CNTNAP5: variants seen among roughly 807,000 people sequenced by gnomAD.
CNTNAP5 encodes contactin-associated protein-like 5.
CNTNAP5 carries 72 observed loss-of-function variants against 150.2 expected under a neutral mutation model. The observed-to-expected ratio is 0.48, with a 90% CI of 0.40 to 0.58. The LOEUF (loss-of-function observed/expected upper bound fraction) is 0.58. Among genes scored for constraint, CNTNAP5 ranks in the 20% least tolerant of loss-of-function variants. CNTNAP5 has a pLI of 0.00. For missense variants in CNTNAP5, 1,636 were observed against 1,626.2 expected (o/e 1.01, Z -0.10); for synonymous variants, 672 against 619.8 (o/e 1.08, Z -1.25).
chr2:124,526,605 C>CACT, intron 9 of CNTNAP5, among the ~76,000 whole-genome samples: 1 of 152,282 alleles, frequency 6.6e-6, no homozygotes, highest in Middle Eastern at 3.4e-3. Context: ...TTGCAAGCTA[C>CACT]ACTAAATCAG....
At chr2:124,580,713 C>T (rs75678236) in intron 11 of CNTNAP5, among the ~76,000 whole-genome samples, 288 of 152,292 alleles carry the variant, frequency 1.9e-3, no homozygotes, top group African/African-American at 6.5e-3. Flanking sequence ...CTGTCCATCC[C>T]CATCTCTCAA....
chr2:124,654,744 T>C (rs1054123061), intron 13 of CNTNAP5, among the ~76,000 whole-genome samples: 1 of 152,096 alleles, frequency 6.6e-6, no homozygotes, highest in Admixed American at 6.6e-5. Flanking sequence ...TTCATCTTTT[T>C]CTTTGTCCTT....
At chr2:124,525,907 T>A (rs1694954366) in intron 9 of CNTNAP5, among the ~76,000 whole-genome samples, 1 of 152,176 alleles carries the variant, frequency 6.6e-6, no homozygotes, top group Non-Finnish European at 1.5e-5. Context: ...CAGATCTGTG[T>A]TCCCACAGCC....
chr2:124,245,229 A>T (rs921255779), intron 3 of CNTNAP5, among the ~76,000 whole-genome samples: 2 of 151,974 alleles, frequency 1.3e-5, no homozygotes, highest in African/African-American at 4.8e-5. Context: ...ACTCTCTAAA[A>T]CCCTCTAGGC....
intron 19 of CNTNAP5, among the ~76,000 whole-genome samples, chr2:124,842,420 C>T (rs1030729428): frequency 1.3e-5 from 2 of 152,086 alleles, no homozygotes; most frequent in South Asian, 4.1e-4. Context: ...ATTAAAGAAA[C>T]TCCTGATTTC....
chr2:124,816,202 G>A (rs1219711184), intron 19 of CNTNAP5, among the ~76,000 whole-genome samples: 1 of 152,186 alleles, frequency 6.6e-6, no homozygotes, highest in Non-Finnish European at 1.5e-5. Flanking sequence ...TTATCTCACA[G>A]TTCCCTTGGG....
intron 1 of CNTNAP5, among the ~76,000 whole-genome samples, chr2:124,061,136 C>T (rs537225871): frequency 2.0e-5 from 3 of 152,244 alleles, no homozygotes; most frequent in Non-Finnish European, 1.5e-5. Context: ...CCATGTCAGC[C>T]ATAACACATC....
intron 1 of CNTNAP5, among the ~76,000 whole-genome samples, chr2:124,110,565 TTATTGAC>T (rs1683271691): frequency 6.6e-6 from 1 of 152,168 alleles, no homozygotes; most frequent in Non-Finnish European, 1.5e-5. Context: ...ATAAGACTGT[TTATTGAC>T]TATTTACCAT....
At chr2:124,796,182 A>G (rs1681842357) in intron 18 of CNTNAP5, among the ~76,000 whole-genome samples, 1 of 152,168 alleles carries the variant, frequency 6.6e-6, no homozygotes. Flanking sequence ...GACAACAGAA[A>G]TTTGGTTTGA....
At chr2:124,882,592 G>C (rs1265387296) in intron 21 of CNTNAP5, among the ~76,000 whole-genome samples, 1 of 152,098 alleles carries the variant, frequency 6.6e-6, no homozygotes, top group Non-Finnish European at 1.5e-5. Flanking sequence ...ACTCTGTCTA[G>C]CGTATGCAGA....
intron 22 of CNTNAP5, among the ~76,000 whole-genome samples, chr2:124,906,965 C>T (rs1475059793): frequency 1.3e-5 from 2 of 152,032 alleles, no homozygotes; most frequent in Non-Finnish European, 2.9e-5. Context: ...CATTTAAAGT[C>T]CCTAATTTTA....
At chr2:124,557,558 G>A (rs376155875) in intron 10 of CNTNAP5, among the ~76,000 whole-genome samples, 4 of 152,064 alleles carry the variant, frequency 2.6e-5, no homozygotes, top group African/African-American at 7.2e-5. Context: ...CTTTGGGTAC[G>A]TCAGTGGACC....
intron 1 of CNTNAP5, among the ~76,000 whole-genome samples, chr2:124,069,595 T>C (rs1005538840): frequency 6.6e-6 from 1 of 152,038 alleles, no homozygotes; most frequent in Non-Finnish European, 1.5e-5. Context: ...GTGGTGGCCA[T>C]AGGAGTGCAT....
chr2:124,610,749 A>G (rs1366820584), intron 12 of CNTNAP5, among the ~76,000 whole-genome samples: 1 of 152,144 alleles, frequency 6.6e-6, no homozygotes, highest in African/African-American at 2.4e-5. Context: ...CCACGAGGTC[A>G]GGAGATCCAG....
At chr2:124,282,372 A>G (rs1425918740) in intron 3 of CNTNAP5, among the ~76,000 whole-genome samples, 1 of 152,204 alleles carries the variant, frequency 6.6e-6, no homozygotes, top group Non-Finnish European at 1.5e-5. Flanking sequence ...TGAAATGAAA[A>G]TGATAAACCT....
chr2:124,261,768 G>C lies in CNTNAP5; in HGVS notation c.381+19375G>C, dbSNP rs541616737. ...GCTGTCAAAAACAGAGGCTGTTCAG[G>C]TACCAGTCCTCCTGCTCTTGAGTAA... On this transcript the variant is annotated intron_variant, in intron 3 of 23. Transcript: ENST00000682447. 4.6e-5 allele frequency among the ~76,000 whole-genome samples: 7 copies of C among 152,274 alleles called. No homozygotes were observed. In the South Asian group the frequency reaches 1.5e-3, roughly 32 times the overall value.
At chr2:124,211,064 T>C (rs1336871457) in intron 1 of CNTNAP5, among the ~76,000 whole-genome samples, 2 of 152,174 alleles carry the variant, frequency 1.3e-5, no homozygotes, top group Non-Finnish European at 2.9e-5. Context: ...AAAAATGTGA[T>C]AAAACCTAAA....
intron 21 of CNTNAP5, among the ~76,000 whole-genome samples, chr2:124,902,120 T>C (rs180888986): frequency 6.6e-6 from 1 of 152,288 alleles, no homozygotes; most frequent in African/African-American, 2.4e-5. Flanking sequence ...TAGCAGTTTG[T>C]TCAATTGACT....
intron 10 of CNTNAP5, among the ~76,000 whole-genome samples, chr2:124,528,827 A>G (rs1402079050): frequency 6.6e-6 from 1 of 152,094 alleles, no homozygotes; most frequent in African/African-American, 2.4e-5. Context: ...GTGGATTGGA[A>G]GAGAGCTGGC....
Sources: gnomAD v4.1 joint callset for allele counts (sites outside exome capture counted in the v4.1 genomes callset) on GRCh38, gnomAD v4.1.1 for gene constraint, MANE v1.5 for transcripts, NCBI Gene and HGNC (gene_info 2026-07-23, HGNC 2026-07-21) for gene names.